The following CEP112 variants were observed in gnomAD, a reference collection of about 807,000 sequenced individuals.
CEP112 encodes the protein centrosomal protein of 112 kDa.
Under a neutral mutation model 153.0 loss-of-function variants are expected in CEP112, and 127 were observed. The ratio of observed to expected loss-of-function variants is 0.83; its 90% CI spans 0.72 to 0.96. CEP112 has a LOEUF of 0.96. CEP112 is among the 40% of genes least tolerant of loss of function. The pLI, the probability that CEP112 is intolerant of heterozygous loss-of-function variation, is 0.00. For missense variants in CEP112, 1,089 were observed against 1,101.2 expected, an observed-to-expected ratio of 0.99 and a Z score of 0.16; for synonymous variants, 358 against 374.4, an observed-to-expected ratio of 0.96 and a Z score of 0.51.
At chr17:65,669,418 C>T (rs897458265) in intron 24 of CEP112, among the ~76,000 whole-genome samples, 4 of 151,856 alleles carry the variant, frequency 2.6e-5, no homozygotes, top group Admixed American at 1.3e-4. Flanking sequence ...TATAGCCTGG[C>T]GATAACAATT....
intron 21 of CEP112, among the ~76,000 whole-genome samples, chr17:65,834,224 G>A (rs2057209488): frequency 6.6e-6 from 1 of 152,094 alleles, no homozygotes. Flanking sequence ...AGACTTAAAT[G>A]TAAAACCTAT....
intron 20 of CEP112, among the ~76,000 whole-genome samples, chr17:65,852,898 C>T (rs904099446): frequency 1.3e-5 from 2 of 152,086 alleles, no homozygotes; most frequent in Non-Finnish European, 2.9e-5. Context: ...TGTAAGACTA[C>T]AAATGTCTCT....
intron 18 of CEP112, among the ~76,000 whole-genome samples, chr17:65,936,282 T>A (rs1181615111): frequency 6.6e-6 from 1 of 151,906 alleles, no homozygotes; most frequent in East Asian, 1.9e-4. Context: ...CAGGACATGA[T>A]GAAAAAGAGA....
chr17:66,001,993 AC>A (rs1252615099), intron 17 of CEP112, among the ~76,000 whole-genome samples: 1 of 152,218 alleles, frequency 6.6e-6, no homozygotes, highest in African/African-American at 2.4e-5. Context: ...AGTATTTAAT[AC>A]ATATGTAGAA....
intron 16 of CEP112, among the ~76,000 whole-genome samples, chr17:66,008,202 T>C (rs943146317): frequency 3.9e-5 from 6 of 152,170 alleles, no homozygotes; most frequent in Admixed American, 1.3e-4. Flanking sequence ...TGTAGAAATA[T>C]TAAATCAAGC....
At chr17:65,969,834 TATC>T (rs71954758) in intron 17 of CEP112, among the ~76,000 whole-genome samples, 62,727 of 151,840 alleles carry the variant, frequency 0.41, 14,293 homozygotes, top group East Asian at 0.86. Context: ...ATTACAAGCA[TATC>T]ATCTATATAT....
rs576886073 is a variant in CEP112 at position 65,911,969 on chromosome 17, G to C, written c.1981-9635C>G. On this transcript the variant is annotated intron_variant, in intron 19 of 26. Transcript: ENST00000535342. ...GTCAAATGCCAGTAGCTCCCTTCGG[G>C]GGGAATATTTACTTCTGGTGGCAGT... Among the ~76,000 whole-genome samples, 162 of 152,198 alleles carry C rather than the reference G, an allele frequency of 1.1e-3. 3 individuals are homozygous for C. Among genetic ancestry groups the C allele is most frequent in the African/African-American group, 3.5e-3 (146 of 41,530 alleles).
intron 21 of CEP112, among the ~76,000 whole-genome samples, chr17:65,837,320 G>C (rs1224468478): frequency 2.1e-4 from 32 of 151,110 alleles, no homozygotes; most frequent in Admixed American, 2.1e-3. Context: ...AAAGTGAGGA[G>C]CGCCTCTTCC....
intron 21 of CEP112, among the ~76,000 whole-genome samples, chr17:65,838,639 G>T (rs1234499772): frequency 6.6e-6 from 1 of 151,656 alleles, no homozygotes; most frequent in African/African-American, 2.4e-5. Flanking sequence ...TAGAATAAAT[G>T]AAATTATAAA....
At chr17:65,917,154 G>T (rs777295366) in intron 19 of CEP112, among the ~76,000 whole-genome samples, 1 of 152,138 alleles carries the variant, frequency 6.6e-6, no homozygotes, top group Non-Finnish European at 1.5e-5. Context: ...CCTGAATTTG[G>T]TGCTTATTCA....
intron 17 of CEP112, among the ~76,000 whole-genome samples, chr17:65,981,947 A>G (rs977831623): frequency 3.9e-5 from 6 of 152,346 alleles, no homozygotes; most frequent in Admixed American, 3.3e-4. Context: ...CTACAGGAAA[A>G]GATGGCAATA....
At chr17:65,969,402 G>T (rs2062548241) in intron 17 of CEP112, among the ~76,000 whole-genome samples, 1 of 152,090 alleles carries the variant, frequency 6.6e-6, no homozygotes. Flanking sequence ...CATACCACAT[G>T]CATATCACAT....
intron 20 of CEP112, among the ~76,000 whole-genome samples, chr17:65,862,712 G>A (rs1400072845): frequency 6.6e-6 from 1 of 152,010 alleles, no homozygotes; most frequent in Non-Finnish European, 1.5e-5. Context: ...TCAGACACTA[G>A]ATAAAAATTT....
intron 4 of CEP112, among the ~76,000 whole-genome samples, chr17:66,161,769 T>C (rs1434185175): frequency 2.0e-5 from 3 of 151,976 alleles, no homozygotes; most frequent in African/African-American, 7.2e-5. Context: ...CACCGTGGCA[T>C]GTGTATACCT....
intron 22 of CEP112, among the ~76,000 whole-genome samples, chr17:65,747,555 G>A (rs935197228): frequency 1.3e-5 from 2 of 152,132 alleles, no homozygotes; most frequent in South Asian, 2.1e-4. Flanking sequence ...AAGAGGCAAG[G>A]TTAATACATA....
At chr17:65,932,429 G>A (rs2144275631) in intron 18 of CEP112, among the ~76,000 whole-genome samples, 1 of 152,180 alleles carries the variant, frequency 6.6e-6, no homozygotes, top group Non-Finnish European at 1.5e-5. Context: ...AAAAATATGA[G>A]GATCTATAAA....
At chr17:66,137,615 G>C (rs554752073) in intron 4 of CEP112, among the ~76,000 whole-genome samples, 5 of 152,210 alleles carry the variant, frequency 3.3e-5, no homozygotes, top group African/African-American at 1.2e-4. Context: ...AACTGTAAAA[G>C]GATTTTTCAA....
rs139206789 is a variant in CEP112 at position 66,030,242 on chromosome 17, T to G, written c.1219-219A>C. ...TAAGAACATCACAGTTATATACTTT[T>G]AGCCTTTTGTTCATTTAATGAATAT... On this transcript the variant is annotated intron_variant, in intron 12 of 26. Coordinates refer to ENST00000535342, the MANE Select transcript of CEP112 (RefSeq NM_001199165.4). 9.6e-4 allele frequency among the ~76,000 whole-genome samples: 147 copies of G among 152,360 alleles called. 5 individuals are homozygous for G. In the East Asian group the frequency reaches 0.025, roughly 26 times the overall value.
intron 20 of CEP112, among the ~76,000 whole-genome samples, chr17:65,859,068 T>C (rs969895803): frequency 6.6e-6 from 1 of 152,168 alleles, no homozygotes; most frequent in African/African-American, 2.4e-5. Flanking sequence ...TTTTATCTTA[T>C]GGAAAAAACT....
Sources: allele counts gnomAD v4.1 joint callset (sites outside exome capture counted in the v4.1 genomes callset), GRCh38; gene constraint gnomAD v4.1.1; transcripts MANE v1.5; gene names NCBI Gene and HGNC (gene_info 2026-07-23, HGNC 2026-07-21).